CADM2: variants seen among roughly 807,000 people sequenced by gnomAD.
CADM2 encodes cell adhesion molecule 2.
In CADM2, 12 loss-of-function variants were observed where a neutral mutation model predicts 49.8. That is an observed-to-expected ratio of 0.24 (90% CI 0.15 to 0.39). The LOEUF (loss-of-function observed/expected upper bound fraction) is 0.39, where lower values mean the gene tolerates loss of function less well. Among genes scored for constraint, CADM2 ranks in the 10% least tolerant of loss-of-function variants. CADM2 has a pLI of 1.00. For missense variants in CADM2, 378 were observed against 492.3 expected (o/e 0.77, Z 2.20); for synonymous variants, 214 against 175.4 (o/e 1.22, Z -1.74).
Position 85,930,287 on chromosome 3 carries a change from A to G in CADM2, c.701-5480A>G. 1.3e-5 allele frequency among the ~76,000 whole-genome samples: 2 copies of G among 152,134 alleles called. 1 individual carries two copies. Among genetic ancestry groups the G allele is most frequent in the East Asian group, 3.9e-4 (2 of 5,194 alleles). On this transcript the variant is annotated intron_variant, in intron 6 of 9. Coordinates refer to ENST00000383699, the MANE Select transcript of CADM2 (RefSeq NM_001167675.2). ...TTGTAACAGAGAGTGTGCAATATAC[A>G]TTTAAAAAATTTTTCTTTTTTTAAA...
intron 3 of CADM2, among the ~76,000 whole-genome samples, chr3:85,865,464 A>T (rs184026706): frequency 5.1e-4 from 77 of 152,332 alleles, no homozygotes; most frequent in African/African-American, 1.7e-3. Context: ...GCACCCACTT[A>T]TGAGGAAATC....
chr3:85,446,320 A>T (rs1348829208), intron 1 of CADM2, among the ~76,000 whole-genome samples: 1 of 152,154 alleles, frequency 6.6e-6, no homozygotes, highest in Non-Finnish European at 1.5e-5. Context: ...ATATTCAGCA[A>T]AGTCTATAAG....
chr3:85,272,791 ACTTATCAGTCTC>A (rs1326095356), intron 1 of CADM2, among the ~76,000 whole-genome samples: 1 of 151,290 alleles, frequency 6.6e-6, no homozygotes, highest in African/African-American at 2.4e-5. Flanking sequence ...GTCAATAAAT[ACTTATCAGTCTC>A]CTACTATTGT....
At chr3:85,393,693 T>C (rs1239806309) in intron 1 of CADM2, among the ~76,000 whole-genome samples, 1 of 152,186 alleles carries the variant, frequency 6.6e-6, no homozygotes, top group Non-Finnish European at 1.5e-5. Flanking sequence ...TGGAGCCCTC[T>C]GATACTAACC....
chr3:86,058,062 A>G (rs533964511), intron 8 of CADM2, among the ~76,000 whole-genome samples: 3 of 152,316 alleles, frequency 2.0e-5, no homozygotes, highest in South Asian at 2.1e-4. Context: ...ATTGCAATAT[A>G]TTACATAGAG....
rs557041074 is a variant in CADM2, at chr3:85,644,232, G to T, written c.62-82290G>T. ...TGTATCTGTACATAGATTTTCCTGT[G>T]TGTGTGCAAAGAAAGAGAGAGAGGA... is the stretch of plus-strand genomic sequence containing the variant. On this transcript the variant is annotated intron_variant, in intron 1 of 9. Coordinates refer to ENST00000383699, the MANE Select transcript of CADM2 (RefSeq NM_001167675.2). Among the ~76,000 whole-genome samples the T allele has an allele frequency of 2.0e-5, 3 of 152,246 alleles. No individual in the cohort carries two copies. The South Asian group carries it at 6.2e-4, about 32-fold the overall frequency.
chr3:85,172,569 G>A (rs1284003065), intron 1 of CADM2, among the ~76,000 whole-genome samples: 1 of 152,052 alleles, frequency 6.6e-6, no homozygotes, highest in Non-Finnish European at 1.5e-5. Context: ...CAAAGGCTTA[G>A]AACCTGACAA....
chr3:85,839,692 G>A (rs1394182904), intron 3 of CADM2, among the ~76,000 whole-genome samples: 2 of 151,788 alleles, frequency 1.3e-5, no homozygotes, highest in Admixed American at 6.6e-5. Context: ...AAATATGAAA[G>A]TCAGGGTCAC....
intron 2 of CADM2, among the ~76,000 whole-genome samples, chr3:85,787,747 C>A (rs2071080085): frequency 1.3e-5 from 2 of 152,112 alleles, no homozygotes. Context: ...CATATCACTT[C>A]TTTCAATGTC....
intron 1 of CADM2, among the ~76,000 whole-genome samples, chr3:85,050,662 A>G (rs2035847909): frequency 6.6e-6 from 1 of 152,222 alleles, no homozygotes; most frequent in Non-Finnish European, 1.5e-5. Flanking sequence ...ATGCATTTCT[A>G]GAATGGAATT....
intron 1 of CADM2, among the ~76,000 whole-genome samples, chr3:85,028,551 A>T (rs181382149): frequency 6.6e-6 from 1 of 152,156 alleles, no homozygotes; most frequent in African/African-American, 2.4e-5. Flanking sequence ...AATTTATCTT[A>T]TTTCAAAATT....
At chr3:86,034,205 C>T (rs1407406784) in intron 8 of CADM2, among the ~76,000 whole-genome samples, 1 of 151,914 alleles carries the variant, frequency 6.6e-6, no homozygotes, top group Non-Finnish European at 1.5e-5. Context: ...TGGTGAATTT[C>T]ATCTAATTTA....
intron 1 of CADM2, among the ~76,000 whole-genome samples, chr3:85,498,745 G>A (rs1185197186): frequency 2.0e-5 from 3 of 152,054 alleles, no homozygotes; most frequent in Non-Finnish European, 4.4e-5. Context: ...GAGAAATACC[G>A]TGACCCGAGG....
intron 1 of CADM2, among the ~76,000 whole-genome samples, chr3:85,717,136 T>C (rs2067321930): frequency 6.6e-6 from 1 of 152,198 alleles, no homozygotes; most frequent in Admixed American, 6.5e-5. Context: ...GAGCATGGAA[T>C]GTTTTTCCAT....
chr3:85,851,264 C>T (rs2075097919), intron 3 of CADM2, among the ~76,000 whole-genome samples: 1 of 152,076 alleles, frequency 6.6e-6, no homozygotes, highest in Non-Finnish European at 1.5e-5. Flanking sequence ...AATTGTTTCT[C>T]ATGATTAATT....
chr3:85,551,110 A>G (rs2061791537), intron 1 of CADM2, among the ~76,000 whole-genome samples: 1 of 152,086 alleles, frequency 6.6e-6, no homozygotes, highest in South Asian at 2.1e-4. Context: ...CAGACTCTCA[A>G]GAAGCTGGGA....
At chr3:85,947,047 T>C (rs1353230528) in intron 7 of CADM2, among the ~76,000 whole-genome samples, 4 of 152,176 alleles carry the variant, frequency 2.6e-5, no homozygotes, top group South Asian at 4.1e-4. Context: ...AATCTACTCA[T>C]CTGGCAAATG....
chr3:85,933,810 A>C (rs1184573053), intron 6 of CADM2, among the ~76,000 whole-genome samples: 1 of 152,126 alleles, frequency 6.6e-6, no homozygotes, highest in African/African-American at 2.4e-5. Flanking sequence ...GAAAAAAGTC[A>C]ACATTGCAGT....
At chr3:85,189,829 CAAAT>C (rs2041162746) in intron 1 of CADM2, among the ~76,000 whole-genome samples, 1 of 152,060 alleles carries the variant, frequency 6.6e-6, no homozygotes, top group African/African-American at 2.4e-5. Flanking sequence ...CACGCTCACT[CAAAT>C]GGCTGTTGGA....
Sources: allele counts gnomAD v4.1 joint callset (sites outside exome capture counted in the v4.1 genomes callset), GRCh38; gene constraint gnomAD v4.1.1; transcripts MANE v1.5; gene names NCBI Gene and HGNC (gene_info 2026-07-23, HGNC 2026-07-21).